The following CACNA1C variants were observed in gnomAD, a reference collection of about 807,000 sequenced individuals.
CACNA1C encodes calcium voltage-gated channel subunit alpha1 C, also known as voltage-dependent L-type calcium channel subunit alpha-1C.
In CACNA1C, 30 loss-of-function variants were observed where a neutral mutation model predicts 229.0. The ratio of observed to expected loss-of-function variants is 0.13; its 90% CI spans 0.10 to 0.18. The LOEUF is 0.18. Among genes scored for constraint, CACNA1C ranks in the 10% least tolerant of loss-of-function variants. The probability of loss-of-function intolerance (pLI) is 1.00; values close to 1 mark genes in which losing one functional copy is unlikely to be tolerated. For synonymous variants in CACNA1C, 1,114 were observed against 1,132.5 expected (o/e 0.98, Z 0.33); for missense variants, 1,658 against 2,845.0 (o/e 0.58, Z 9.49).
chr12:2,208,356 C>T (rs1230856732), intron 3 of CACNA1C, among the ~76,000 whole-genome samples: 1 of 152,208 alleles, frequency 6.6e-6, no homozygotes, highest in South Asian at 2.1e-4. Context: ...GGGGAGATGA[C>T]GTGCACATCT....
At chr12:2,257,841 A>G (rs2078578654) in intron 3 of CACNA1C, among the ~76,000 whole-genome samples, 1 of 152,220 alleles carries the variant, frequency 6.6e-6, no homozygotes, top group Admixed American at 6.5e-5. Context: ...TATTCTTTAT[A>G]CCTGTTGCCT....
In CACNA1C at chr12:2,682,605, G is replaced by A. The variant is rs1293019653; in HGVS notation, c.5500G>A (p.Asp1834Asn). The A allele has an allele frequency of 2.5e-6, 4 of 1,612,516 alleles. No homozygotes were observed. The African/African-American group carries it at 5.3e-5, about 22-fold the overall frequency. ...AMAGQEETSQDETYEVKMNHD... is the reference protein window; with the variant it reads ...AMAGQEETSQNETYEVKMNHD... The stretch of plus-strand genomic sequence containing the variant: ...GGCGGGTCAGGAGGAGACGTCTCAG[G>A]ATGAGACCTATGAAGTGAAGATGAA... The change falls in exon 43 of 47, where the codon GAT becomes AAT. Residue 1834 changes from aspartate to asparagine, a missense_variant. Coordinates refer to ENST00000399655, the MANE Select transcript of CACNA1C (RefSeq NM_000719.7).
At chr12:2,300,687 G>A (rs562211326) in intron 3 of CACNA1C, among the ~76,000 whole-genome samples, 18 of 152,166 alleles carry the variant, frequency 1.2e-4, no homozygotes, top group Non-Finnish European at 2.2e-4. Context: ...TGGCCGTCTG[G>A]TCTGGGAAGT....
At chr12:2,352,169 T>A (rs1338160573) in intron 3 of CACNA1C, among the ~76,000 whole-genome samples, 2 of 152,148 alleles carry the variant, frequency 1.3e-5, no homozygotes, top group Admixed American at 6.5e-5. Flanking sequence ...GGTGAGATGC[T>A]CACCTAATGT....
chr12:2,328,542 G>C (rs963248427), intron 3 of CACNA1C, among the ~76,000 whole-genome samples: 4 of 152,166 alleles, frequency 2.6e-5, no homozygotes, highest in Non-Finnish European at 5.9e-5. Context: ...CCTAGGAAAG[G>C]CATTAAGAAC....
At chr12:2,193,220 T>A (rs2097295974) in intron 3 of CACNA1C, among the ~76,000 whole-genome samples, 1 of 152,200 alleles carries the variant, frequency 6.6e-6, no homozygotes. Flanking sequence ...TTTGGGAGGC[T>A]GAGGCGGGTG....
At chr12:2,544,807 A>G (rs960222045) in intron 9 of CACNA1C, among the ~76,000 whole-genome samples, 1 of 152,232 alleles carries the variant, frequency 6.6e-6, no homozygotes, top group Non-Finnish European at 1.5e-5. Context: ...AAAACTTTGT[A>G]GCCCAATTCG....
At chr12:2,517,828 A>G (rs1256944381) in intron 9 of CACNA1C, among the ~76,000 whole-genome samples, 1 of 152,256 alleles carries the variant, frequency 6.6e-6, no homozygotes, top group Non-Finnish European at 1.5e-5. Context: ...GAAGCCATAA[A>G]GAAAAAGAGA....
intron 3 of CACNA1C, among the ~76,000 whole-genome samples, chr12:2,204,888 A>G (rs1239538810): frequency 1.4e-4 from 21 of 150,504 alleles, no homozygotes; most frequent in Admixed American, 1.4e-3. Flanking sequence ...GCACATGTAT[A>G]CATATGTAAC....
intron 1 of CACNA1C, among the ~76,000 whole-genome samples, chr12:1,975,081 C>A (rs1163049422): frequency 6.6e-6 from 1 of 152,056 alleles, no homozygotes; most frequent in Non-Finnish European, 1.5e-5. Context: ...AGTAGTCTAG[C>A]CAAAGGAGCC....
intron 5 of CACNA1C, 134 bp downstream of exon 5, chr12:2,457,840 A>AT: frequency 1.2e-6 from 1 of 828,652 alleles, no homozygotes; most frequent in South Asian, 3.4e-5. Flanking sequence ...TTGTTTTAAA[A>AT]TGAGTTCCTT....
chr12:2,669,089 C>G, intron 38 of CACNA1C, 54 bp downstream of exon 38: 1 of 1,237,416 alleles, frequency 8.1e-7, no homozygotes. Context: ...AGCAGACAAT[C>G]AGAGAGGAGC....
intron 1 of CACNA1C, among the ~76,000 whole-genome samples, chr12:2,097,156 A>T (rs987125554): frequency 1.3e-5 from 2 of 151,878 alleles, no homozygotes; most frequent in African/African-American, 4.8e-5. Context: ...TTATTTATTT[A>T]TTTTTTTGAG....
chr12:2,482,590 C>T (rs981872267), intron 5 of CACNA1C, among the ~76,000 whole-genome samples: 3 of 152,204 alleles, frequency 2.0e-5, no homozygotes, highest in Non-Finnish European at 2.9e-5. Context: ...GTCTTCAGAA[C>T]GCGCTCATCA....
At chr12:2,428,168 A>G (rs1054613443) in intron 3 of CACNA1C, among the ~76,000 whole-genome samples, 3 of 152,064 alleles carry the variant, frequency 2.0e-5, no homozygotes, top group South Asian at 2.1e-4. Context: ...GCAAGCCCCA[A>G]TTTTTTTCAC....
chr12:2,436,492 G>A (rs915026338), intron 3 of CACNA1C, among the ~76,000 whole-genome samples: 3 of 152,178 alleles, frequency 2.0e-5, no homozygotes, highest in African/African-American at 7.2e-5. Context: ...AGAATTACAT[G>A]GGCTACCCTT....
At chr12:2,437,722 G>C (rs1376447445) in intron 3 of CACNA1C, among the ~76,000 whole-genome samples, 1 of 152,036 alleles carries the variant, frequency 6.6e-6, no homozygotes, top group African/African-American at 2.4e-5. Flanking sequence ...TAATGGTAGA[G>C]GTAGTTTGGA....
At chr12:2,037,169 G>A (rs1265497574) in intron 1 of CACNA1C, among the ~76,000 whole-genome samples, 3 of 152,150 alleles carry the variant, frequency 2.0e-5, no homozygotes, top group Non-Finnish European at 4.4e-5. Flanking sequence ...TCTATACATA[G>A]GAGTAAACAG....
chr12:2,105,530 A>G (rs1425964725), intron 1 of CACNA1C, among the ~76,000 whole-genome samples: 1 of 152,208 alleles, frequency 6.6e-6, no homozygotes, highest in Non-Finnish European at 1.5e-5. Context: ...GAGGAAGCGC[A>G]GTCAGATGCG....
Sources: allele counts gnomAD v4.1 joint callset (sites outside exome capture counted in the v4.1 genomes callset), GRCh38; gene constraint gnomAD v4.1.1; transcripts MANE v1.5; gene names NCBI Gene and HGNC (gene_info 2026-07-23, HGNC 2026-07-21).